HIGD1C: variants seen among roughly 807,000 people sequenced by gnomAD.
HIGD1C encodes HIG1 domain family member 1C.
A neutral mutation model predicts 13.1 loss-of-function variants in HIGD1C; 11 were observed. The observed-to-expected ratio is 0.84, with a 90% CI of 0.53 to 1.39. HIGD1C has a LOEUF of 1.39. Among genes scored for constraint, HIGD1C ranks in the 40% most tolerant of loss-of-function variants. The pLI is 0.00. For missense variants in HIGD1C, 110 were observed against 112.0 expected (o/e 0.98, Z 0.08); for synonymous variants, 36 against 37.7 (o/e 0.95, Z 0.17).
intron 1 of HIGD1C, among the ~76,000 whole-genome samples, chr12:50,956,674 G>A (rs1020554365): frequency 2.6e-5 from 4 of 152,084 alleles, no homozygotes; most frequent in Admixed American, 2.6e-4. Context: ...CAGCTCATAC[G>A]TGCATTTCTG....
At chr12:50,966,621 G>A (rs745881409) in intron 2 of HIGD1C, among the ~76,000 whole-genome samples, 22 of 152,128 alleles carry the variant, frequency 1.4e-4, no homozygotes, top group African/African-American at 4.6e-4. Context: ...AGGAAGTTCT[G>A]GCATTTCAAT....
chr12:50,951,297 A>G (rs1432102332), upstream of HIGD1C, among the ~76,000 whole-genome samples: 1 of 152,190 alleles, frequency 6.6e-6, no homozygotes, highest in Non-Finnish European at 1.5e-5. Flanking sequence ...CCGTGATGAC[A>G]GACTCTATTT....
At chr12:50,954,085 C>T (rs749415492) in exon 1 of HIGD1C, 31 of 1,601,274 alleles carry the variant, frequency 1.9e-5, no homozygotes, top group Non-Finnish European at 2.7e-5. Flanking sequence ...CCCCCTTTGT[C>T]CCTATAGGTA....
At chr12:50,968,179 C>T (rs1269973713) in intron 2 of HIGD1C, among the ~76,000 whole-genome samples, 1 of 152,056 alleles carries the variant, frequency 6.6e-6, no homozygotes, top group Admixed American at 6.6e-5. Context: ...GACCTTAAAA[C>T]ATTTTTGGAG....
chr12:50,942,694 C>A, the HIGD1C span, among the ~76,000 whole-genome samples: 1 of 151,964 alleles, frequency 6.6e-6, no homozygotes, highest in Admixed American at 6.6e-5. Context: ...ATGGCGAGAC[C>A]TCATCTCTAC....
At chr12:50,967,052 T>C (rs1344370103) in intron 2 of HIGD1C, among the ~76,000 whole-genome samples, 1 of 151,476 alleles carries the variant, frequency 6.6e-6, no homozygotes, top group Non-Finnish European at 1.5e-5. Context: ...AGGCAGAGGT[T>C]GCAGTAGGCC....
chr12:50,957,148 TAG>T (rs1235652775), intron 1 of HIGD1C, among the ~76,000 whole-genome samples: 1 of 152,108 alleles, frequency 6.6e-6, no homozygotes, highest in African/African-American at 2.4e-5. Context: ...TACCCACCCA[TAG>T]ACACACATAT....
chr12:50,957,595 A>G (rs1430513081), intron 1 of HIGD1C, among the ~76,000 whole-genome samples: 1 of 151,968 alleles, frequency 6.6e-6, no homozygotes, highest in East Asian at 1.9e-4. Context: ...AACTAAAAAC[A>G]TAATACCAAC....
chr12:50,941,631 G>A, the HIGD1C span, among the ~76,000 whole-genome samples: 1 of 152,118 alleles, frequency 6.6e-6, no homozygotes, highest in African/African-American at 2.4e-5. Context: ...ACCATTTCAG[G>A]AGGAAACAGA....
Position 50,962,506 on chromosome 12 carries a change from C to T in HIGD1C, c.229+1404C>T, listed in dbSNP as rs555363126. 2.0e-5 allele frequency among the ~76,000 whole-genome samples: 3 copies of T among 152,140 alleles called. No individual in the cohort carries two copies. The South Asian group carries it at 6.2e-4, about 32-fold the overall frequency. ...CTTAGGGTCAGGAGTTCAAGACCAGCCTGGCCAACATGGTGAAACCCTATC... is the reference window on the plus strand; with the variant it reads ...CTTAGGGTCAGGAGTTCAAGACCAGTCTGGCCAACATGGTGAAACCCTATC... On this transcript the variant is annotated intron_variant, in intron 2 of 2. Transcript: ENST00000398455.
the HIGD1C span, among the ~76,000 whole-genome samples, chr12:50,937,291 T>C: frequency 1.3e-5 from 2 of 152,206 alleles, no homozygotes; most frequent in Admixed American, 6.5e-5. Context: ...ATCCTGCAAC[T>C]TTCTGTGGGA....
the HIGD1C span, chr12:50,931,434 G>A: frequency 2.0e-5 from 3 of 151,860 alleles, no homozygotes; most frequent in South Asian, 4.2e-4. Context: ...AGGGGGCTGG[G>A]CGTGGTGGCT....
chr12:50,972,257 C>T (rs1053018665), downstream of HIGD1C, among the ~76,000 whole-genome samples: 8 of 152,162 alleles, frequency 5.3e-5, no homozygotes, highest in African/African-American at 1.9e-4. Flanking sequence ...TAGAAACTAG[C>T]TTTTCCTACA....
chr12:50,947,072 C>CT, the HIGD1C span, among the ~76,000 whole-genome samples: 2 of 152,306 alleles, frequency 1.3e-5, no homozygotes, highest in South Asian at 4.1e-4. Context: ...TCCACTTCTA[C>CT]TTCACCAGTA....
chr12:50,947,586 T>A, the HIGD1C span, among the ~76,000 whole-genome samples: 2 of 152,138 alleles, frequency 1.3e-5, no homozygotes, highest in East Asian at 3.9e-4. Flanking sequence ...TCAAGGTCAG[T>A]TGATTATTAG....
At chr12:50,971,351 T>C (rs189260524), downstream of HIGD1C, among the ~76,000 whole-genome samples, 51 of 152,274 alleles carry the variant, frequency 3.3e-4, no homozygotes, top group Admixed American at 3.3e-3. Context: ...TTATATCTCA[T>C]TCTTATACAG....
intron 2 of HIGD1C, among the ~76,000 whole-genome samples, chr12:50,968,398 T>G (rs1246409853): frequency 6.6e-5 from 10 of 151,838 alleles, no homozygotes; most frequent in Admixed American, 5.9e-4. Flanking sequence ...TTTGTGTGTG[T>G]GTGGGGGGAG....
At chr12:50,958,940 C>G (rs1047437070) in intron 1 of HIGD1C, among the ~76,000 whole-genome samples, 1 of 151,286 alleles carries the variant, frequency 6.6e-6, no homozygotes, top group Non-Finnish European at 1.5e-5. Flanking sequence ...TCACTTAAAC[C>G]CGGGAGGCAG....
chr12:50,968,857 T>C (rs1268880398), intron 2 of HIGD1C, among the ~76,000 whole-genome samples: 1 of 151,316 alleles, frequency 6.6e-6, no homozygotes, highest in Non-Finnish European at 1.5e-5. Context: ...TTTTTTATTT[T>C]TTTGTAGAAA....
Sources: gnomAD v4.1 joint callset for allele counts (sites outside exome capture counted in the v4.1 genomes callset) on GRCh38, gnomAD v4.1.1 for gene constraint, MANE v1.5 for transcripts, NCBI Gene and HGNC (gene_info 2026-07-23, HGNC 2026-07-21) for gene names.